Variants in WDFY3 observed in about 807,000 individuals in gnomAD.
WDFY3 encodes the protein WD repeat and FYVE domain containing 3, also known as WD repeat and FYVE domain-containing protein 3.
In WDFY3, 66 loss-of-function variants were observed where a neutral mutation model predicts 409.6. The ratio of observed to expected loss-of-function variants is 0.16; its 90% CI spans 0.13 to 0.20. The LOEUF (loss-of-function observed/expected upper bound fraction) is 0.20, where lower values mean the gene tolerates loss of function less well. Ranked by LOEUF, WDFY3 falls within the 10% of genes least tolerant of loss-of-function variation. WDFY3 has a pLI of 1.00. For missense variants in WDFY3, 3,031 were observed against 4,298.1 expected, an observed-to-expected ratio of 0.71 and a Z score of 8.24; for synonymous variants, 1,521 against 1,537.1, an observed-to-expected ratio of 0.99 and a Z score of 0.25.
intron 10 of WDFY3, among the ~76,000 whole-genome samples, chr4:84,826,343 T>C (rs930982975): frequency 1.3e-5 from 2 of 152,204 alleles, no homozygotes; most frequent in African/African-American, 4.8e-5. Context: ...GTAGGTTATA[T>C]GCAAATACTA....
chr4:84,817,557 T>A lies in WDFY3; in HGVS notation c.1722A>T (p.Arg574Ser). The change falls in exon 13 of 68, where the codon AGA becomes AGT. Residue 574 changes from arginine (R) to serine (S), a missense_variant. Physicochemically the swap from Arg to Ser is moderately radical, Grantham distance 110 (BLOSUM62 -1). This residue lies in a region of WDFY3 where 1,322 missense variants were observed against 1,697.9 expected (regional missense o/e 0.78). Coordinates refer to ENST00000295888, the MANE Select transcript of WDFY3 (RefSeq NM_014991.6). ...AGIFREFGGARCAHNIVKYPQ... is the reference protein window; with the variant it reads ...AGIFREFGGASCAHNIVKYPQ... ...GGTACTTTACTATATTATGTGCACA[T>A]CTTGCACCTCCAAATTCTCGAAAAA... 1 of 1,604,582 alleles carries A rather than the reference T, an allele frequency of 6.2e-7. No individual in the cohort carries two copies. Among genetic ancestry groups the A allele is most frequent in the South Asian group, 1.1e-5 (1 of 89,050 alleles).
chr4:84,856,734 C>T (rs1040909319), intron 4 of WDFY3, among the ~76,000 whole-genome samples: 2 of 152,158 alleles, frequency 1.3e-5, no homozygotes, highest in African/African-American at 4.8e-5. Context: ...AAAAACTAGT[C>T]TGTAGCTAGA....
intron 63 of WDFY3, 97 bp from the exon 64 acceptor site, chr4:84,682,567 T>A (rs1434474326): frequency 1.0e-6 from 1 of 967,882 alleles, no homozygotes; most frequent in Admixed American, 2.3e-5. Context: ...GGTTAACAGA[T>A]AACTTAATTT....
At chr4:84,760,398 C>A (rs1401779222) in intron 32 of WDFY3, among the ~76,000 whole-genome samples, 1 of 152,074 alleles carries the variant, frequency 6.6e-6, no homozygotes, top group Non-Finnish European at 1.5e-5. Context: ...CCTCCTTGTA[C>A]CTCTGGTAGA....
chr4:84,744,374 C>G (rs544222639), intron 36 of WDFY3, among the ~76,000 whole-genome samples: 8 of 151,812 alleles, frequency 5.3e-5, no homozygotes, highest in Admixed American at 3.3e-4. Flanking sequence ...AAAAACTAAG[C>G]ACACAATTTA....
At chr4:84,825,391 G>T (rs896159221) in intron 10 of WDFY3, among the ~76,000 whole-genome samples, 1 of 151,000 alleles carries the variant, frequency 6.6e-6, no homozygotes, top group Non-Finnish European at 1.5e-5. Context: ...AAGAGAAAGG[G>T]GGTCTTGCTC....
chr4:84,677,984 AAAAG>A (rs1275922397), intron 66 of WDFY3, among the ~76,000 whole-genome samples, 180 bp downstream of exon 66: 100 of 151,078 alleles, frequency 6.6e-4, no homozygotes, highest in African/African-American at 2.4e-3. Flanking sequence ...AAAAAAAAAA[AAAAG>A]AAAAAGAAAA....
At chr4:84,772,010 G>T (rs113495835) in intron 30 of WDFY3, among the ~76,000 whole-genome samples, 11 of 152,310 alleles carry the variant, frequency 7.2e-5, no homozygotes, top group African/African-American at 2.6e-4. Context: ...CTGTGCTCGG[G>T]AAGGACAGAC....
intron 33 of WDFY3, among the ~76,000 whole-genome samples, chr4:84,756,586 CAAATAAAATA>C (rs143555953): frequency 0.11 from 14,267 of 128,890 alleles, 914 homozygotes; most frequent in African/African-American, 0.18. Flanking sequence ...CTCTGTCTCA[CAAATAAAATA>C]AAATAAAATA....
intron 64 of WDFY3, among the ~76,000 whole-genome samples, chr4:84,681,516 C>T (rs887149015): frequency 6.6e-6 from 1 of 152,206 alleles, no homozygotes; most frequent in Non-Finnish European, 1.5e-5. Flanking sequence ...CTTTTTTCTT[C>T]TCTGGCATGG....
At chr4:84,892,421 G>A (rs1480856610) in intron 3 of WDFY3, among the ~76,000 whole-genome samples, 3 of 151,696 alleles carry the variant, frequency 2.0e-5, no homozygotes, top group Admixed American at 1.3e-4. Context: ...GTATTTTAAA[G>A]GTTTTAAAAT....
chr4:84,924,444 A>T (rs1769708284), intron 2 of WDFY3, among the ~76,000 whole-genome samples: 1 of 152,236 alleles, frequency 6.6e-6, no homozygotes, highest in African/African-American at 2.4e-5. Flanking sequence ...GTGTGAAGAA[A>T]GCTAACATAT....
rs185108804 is a variant in WDFY3, at chr4:84,748,691, T to C, written c.5973+2792A>G. On this transcript the variant is annotated intron_variant, in intron 36 of 67. Coordinates refer to ENST00000295888, the MANE Select transcript of WDFY3 (RefSeq NM_014991.6). ...GAATGGGAATCTCCTACTTTTATGC[T>C]AATGAATTTTACTGCTAATGAAGAT... Among the ~76,000 whole-genome samples the C allele has an allele frequency of 1.4e-3, 219 of 152,294 alleles. 2 individuals are homozygous for C. The highest frequency in any genetic ancestry group is 4.6e-3 in the South Asian group (22 of 4,824).
chr4:84,797,819 T>C (rs371302135), intron 18 of WDFY3, among the ~76,000 whole-genome samples, 177 bp downstream of exon 18: 2 of 152,038 alleles, frequency 1.3e-5, no homozygotes, highest in East Asian at 1.9e-4. Flanking sequence ...GATCCGCCCG[T>C]CTCGGCCTCC....
intron 2 of WDFY3, among the ~76,000 whole-genome samples, chr4:84,901,027 C>G (rs969187494): frequency 6.6e-6 from 1 of 152,192 alleles, no homozygotes; most frequent in Admixed American, 6.5e-5. Flanking sequence ...CTCTCTGCTT[C>G]CAAGATGATG....
At chr4:84,934,147 C>T (rs961682611) in intron 1 of WDFY3, among the ~76,000 whole-genome samples, 4 of 152,142 alleles carry the variant, frequency 2.6e-5, no homozygotes, top group East Asian at 1.9e-4. Context: ...CAACAGTGTA[C>T]GAGGGTTCCC....
At chr4:84,869,180 A>G (rs1000263415) in intron 3 of WDFY3, among the ~76,000 whole-genome samples, 16 of 152,168 alleles carry the variant, frequency 1.1e-4, no homozygotes, top group African/African-American at 3.9e-4. Context: ...TATATCCCAG[A>G]TCTTGGCATC....
chr4:84,871,893 C>A (rs547910934), intron 3 of WDFY3, among the ~76,000 whole-genome samples: 43 of 152,148 alleles, frequency 2.8e-4, no homozygotes, highest in Non-Finnish European at 5.6e-4. Context: ...CTCAGCCTCC[C>A]AAAGTGCGAG....
Position 84,709,017 on chromosome 4 carries a change from G to C in WDFY3, c.8109C>G (p.Ile2703Met). The part of the protein sequence containing the change: ...SVTQRWERGE[I>M]SNFQYLMHLN... ...AATGCATCAAATATTGGAAGTTGCTGATTTCACCTCTCTGGAAAAAGATAA... is the reference window on the plus strand; with the variant it reads ...AATGCATCAAATATTGGAAGTTGCTCATTTCACCTCTCTGGAAAAAGATAA... Residue 2703 changes from isoleucine (I) to methionine (M), a missense_variant, in exon 53 of 68, where the codon ATC becomes ATG. Transcript: ENST00000295888. 6.2e-7 allele frequency: 1 copy of C among 1,613,776 alleles called. No individual in the cohort carries two copies. The highest frequency in any genetic ancestry group is 8.5e-7 in the Non-Finnish European group (1 of 1,179,892).
Sources: gnomAD v4.1 joint callset for allele counts (sites outside exome capture counted in the v4.1 genomes callset) on GRCh38, gnomAD v4.1.1 for gene constraint, gnomAD v4.1.1 regional missense constraint, MANE v1.5 for transcripts, NCBI Gene and HGNC (gene_info 2026-07-23, HGNC 2026-07-21) for gene names.